Variants in ELMOD3 observed in about 807,000 individuals in gnomAD.
ELMOD3 encodes the protein ELMO domain containing 3, also known as ELMO domain-containing protein 3.
Under a neutral mutation model 47.4 loss-of-function variants are expected in ELMOD3, and 36 were observed. The ratio of observed to expected loss-of-function variants is 0.76; its 90% CI spans 0.58 to 1.00. The LOEUF is 1.00. Among genes scored for constraint, ELMOD3 ranks in the 50% least tolerant of loss-of-function variants. ELMOD3 has a pLI of 0.00. For missense variants in ELMOD3, 404 were observed against 463.8 expected (o/e 0.87, Z 1.18); for synonymous variants, 149 against 183.5 (o/e 0.81, Z 1.52).
intron 9 of ELMOD3, 76 bp downstream of exon 9, chr2:85,371,285 G>A: frequency 6.2e-7 from 1 of 1,611,736 alleles, no homozygotes; most frequent in South Asian, 1.1e-5. Flanking sequence ...ACCCTGTGAG[G>A]CTAAGCCAGG....
intron 11 of ELMOD3, among the ~76,000 whole-genome samples, chr2:85,389,076 T>G (rs1168716797): frequency 6.6e-6 from 1 of 152,248 alleles, no homozygotes; most frequent in Non-Finnish European, 1.5e-5. Flanking sequence ...GGAGCTTGCC[T>G]GACTAAACAT....
intron 6 of ELMOD3, among the ~76,000 whole-genome samples, chr2:85,365,813 T>C (rs1252203821): frequency 6.6e-6 from 1 of 151,990 alleles, no homozygotes; most frequent in Non-Finnish European, 1.5e-5. Context: ...GTGTATGGGG[T>C]TGGGGAGGGA....
rs1016819300 is a variant in ELMOD3, at chr2:85,391,028, G to C, written c.*66G>C. 6.8e-7 allele frequency: 1 copy of C among 1,467,448 alleles called. No individual in the cohort carries two copies. The allele number at this position is 1,467,448 out of a possible 1,614,324, so 90.9% of individuals were successfully genotyped here. A position where few individuals can be genotyped will look rare whatever the true frequency, so the allele number is the denominator to read the frequency against. Reference sequence around the variant, plus strand: ...GCTTTCAGGGGGTCAGTGGAGCCATGTCAGGAGCCTGGCCAGGCCGCACCC... The same window carrying C: ...GCTTTCAGGGGGTCAGTGGAGCCATCTCAGGAGCCTGGCCAGGCCGCACCC... On this transcript the variant is annotated 3_prime_UTR_variant, in exon 14 of 14. Coordinates refer to ENST00000409013, the MANE Select transcript of ELMOD3 (RefSeq NM_001135022.2).
At chr2:85,369,659 G>C (rs1684646266) in intron 7 of ELMOD3, 80 bp from the exon 8 acceptor site, 1 of 1,473,062 alleles carries the variant, frequency 6.8e-7, no homozygotes, top group Non-Finnish European at 9.3e-7. Context: ...GCTTGGAAGT[G>C]ACAAGTAGGA....
At chr2:85,368,857 A>G in intron 7 of ELMOD3, 103 bp downstream of exon 7, 2 of 1,194,668 alleles carry the variant, frequency 1.7e-6, no homozygotes, top group Non-Finnish European at 2.5e-6. Flanking sequence ...TAGGAGATAG[A>G]ATTCCTGAGA....
At chr2:85,366,181 G>C (rs1450072002) in intron 6 of ELMOD3, among the ~76,000 whole-genome samples, 3 of 148,590 alleles carry the variant, frequency 2.0e-5, no homozygotes, top group South Asian at 2.1e-4. Flanking sequence ...ATGTTGGCCA[G>C]GCTGGTCTCA....
rs146349548 is a variant in ELMOD3 at position 85,391,398 on chromosome 2, A to G, written c.*436A>G. 1.9e-3 allele frequency: 309 copies of G among 166,332 alleles called. 3 individuals carry two copies. Among genetic ancestry groups the G allele is most frequent in the African/African-American group, 7.1e-3 (295 of 41,772 alleles). The allele number at this position is 166,332 out of a possible 1,614,324, so 10.3% of individuals were successfully genotyped here. ...ACCAGTGTCTGTGTTGTTAGAACTC[A>G]GAGGAAGAGGCAGGGGCAGCAGCCG... On this transcript the variant is annotated 3_prime_UTR_variant, in exon 14 of 14. Coordinates refer to ENST00000409013, the MANE Select transcript of ELMOD3 (RefSeq NM_001135022.2).
chr2:85,389,290 G>A (rs915570558), intron 11 of ELMOD3, among the ~76,000 whole-genome samples: 7 of 152,304 alleles, frequency 4.6e-5, no homozygotes, highest in African/African-American at 9.6e-5. Context: ...AGGTGCTCAC[G>A]ATCAGCCAGA....
chr2:85,366,323 T>G (rs1209693934), intron 6 of ELMOD3, among the ~76,000 whole-genome samples: 1 of 152,158 alleles, frequency 6.6e-6, no homozygotes. Context: ...GCTCCTATGC[T>G]GAAAGTAAGT....
chr2:85,383,544 G>C (rs1490864976), intron 11 of ELMOD3, among the ~76,000 whole-genome samples: 2 of 152,050 alleles, frequency 1.3e-5, no homozygotes, highest in African/African-American at 4.8e-5. Flanking sequence ...GGCTGGTCTT[G>C]AACTCCTTAC....
At chr2:85,370,322 C>T (rs772975711) in intron 8 of ELMOD3, among the ~76,000 whole-genome samples, 6 of 151,032 alleles carry the variant, frequency 4.0e-5, no homozygotes, top group African/African-American at 7.3e-5. Flanking sequence ...CCAGCTCTTT[C>T]GGAGGAGGCT....
At chr2:85,365,349 C>A (rs1161610479) in intron 6 of ELMOD3, among the ~76,000 whole-genome samples, 4 of 145,826 alleles carry the variant, frequency 2.7e-5, no homozygotes, top group South Asian at 2.1e-4. Flanking sequence ...GACTTCTTCT[C>A]AAAAAAAAAT....
intron 11 of ELMOD3, among the ~76,000 whole-genome samples, chr2:85,382,182 G>A (rs1685599857): frequency 6.9e-6 from 1 of 145,186 alleles, no homozygotes; most frequent in African/African-American, 2.6e-5. Context: ...GCTCATGAGT[G>A]TAATCCCAGC....
intron 2 of ELMOD3, 145 bp from the exon 3 acceptor site, chr2:85,355,410 C>T (rs1022070850): frequency 6.6e-6 from 1 of 152,180 alleles, no homozygotes; most frequent in African/African-American, 2.4e-5. Flanking sequence ...CCCCTCCTTG[C>T]CTAAAGAGGG....
At chr2:85,384,731 T>C (rs545175269) in intron 11 of ELMOD3, among the ~76,000 whole-genome samples, 2 of 152,242 alleles carry the variant, frequency 1.3e-5, no homozygotes, top group South Asian at 4.2e-4. Flanking sequence ...AGGTGTGCCG[T>C]ACCATGCCCA....
chr2:85,387,911 C>T (rs1201636038), intron 11 of ELMOD3, among the ~76,000 whole-genome samples: 3 of 152,206 alleles, frequency 2.0e-5, no homozygotes, highest in East Asian at 1.9e-4. Context: ...TGGTGATGTC[C>T]AAGAGGCCTC....
intron 11 of ELMOD3, among the ~76,000 whole-genome samples, chr2:85,387,559 G>A (rs903370193): frequency 6.6e-6 from 1 of 151,664 alleles, no homozygotes; most frequent in Non-Finnish European, 1.5e-5. Context: ...CTATTTGGGA[G>A]GCTGAGGCAG....
chr2:85,377,594 C>A (rs1685250144), intron 11 of ELMOD3, 120 bp downstream of exon 11: 4 of 1,083,214 alleles, frequency 3.7e-6, no homozygotes, highest in African/African-American at 3.2e-5. Flanking sequence ...GTCAGTCTGA[C>A]CTGCATTGAA....
rs998883857 is a variant in ELMOD3, at chr2:85,377,458, C to T, written c.722C>T (p.Ser241Phe). The T allele has an allele frequency of 5.0e-6, 8 of 1,608,216 alleles. No individual in the cohort carries two copies. The African/African-American group carries it at 1.1e-4, about 22-fold the overall frequency. ...LPMAQEIFRL[S>F]RHHIQQFPFC... is the part of the protein sequence containing the mutation. ...ATGGCGCAGGAGATTTTCCGCCTGTCTCGTCACCACATCCAGGTGAGACTT... is the reference window on the plus strand; with the variant it reads ...ATGGCGCAGGAGATTTTCCGCCTGTTTCGTCACCACATCCAGGTGAGACTT... Residue 241 changes from serine (S) to phenylalanine (F), a missense_variant, in exon 11 of 14, where the codon TCT (serine) becomes TTT (phenylalanine). By Grantham distance (155) the Ser-to-Phe change is radical. Coordinates refer to ENST00000409013, the MANE Select transcript of ELMOD3 (RefSeq NM_001135022.2).
Sources: gnomAD v4.1 joint callset for allele counts (sites outside exome capture counted in the v4.1 genomes callset) on GRCh38, gnomAD v4.1.1 for gene constraint, MANE v1.5 for transcripts, NCBI Gene and HGNC (gene_info 2026-07-23, HGNC 2026-07-21) for gene names.